GRM5: variants seen among roughly 807,000 people sequenced by gnomAD.
GRM5 encodes the protein glutamate metabotropic receptor 5.
Under a neutral mutation model 83.1 loss-of-function variants are expected in GRM5, and 19 were observed. The observed-to-expected ratio is 0.23, with a 90% CI of 0.16 to 0.34. The LOEUF is 0.34. GRM5 is among the 10% of genes least tolerant of loss of function. The pLI is 1.00. For missense variants in GRM5, 1,160 were observed against 1,588.3 expected, an observed-to-expected ratio of 0.73 and a Z score of 4.58; for synonymous variants, 675 against 633.6, an observed-to-expected ratio of 1.07 and a Z score of -0.98.
intron 2 of GRM5, among the ~76,000 whole-genome samples, chr11:88,966,956 T>G (rs992390226): frequency 2.0e-5 from 3 of 152,082 alleles, no homozygotes; most frequent in Non-Finnish European, 2.9e-5. Context: ...TCCACCATCT[T>G]TCAAAGCTAG....
chr11:88,986,665 T>C (rs964299835), intron 2 of GRM5, among the ~76,000 whole-genome samples: 13 of 151,918 alleles, frequency 8.6e-5, no homozygotes, highest in South Asian at 6.2e-4. Flanking sequence ...TTTTATTTTG[T>C]TGCTTGTTTC....
chr11:89,004,451 C>T (rs1940470046), intron 2 of GRM5, among the ~76,000 whole-genome samples: 1 of 152,114 alleles, frequency 6.6e-6, no homozygotes, highest in African/African-American at 2.4e-5. Context: ...ATACTTGGAT[C>T]AAAGAGCTTT....
chr11:89,012,680 T>G (rs751478354), intron 2 of GRM5, among the ~76,000 whole-genome samples: 1 of 152,182 alleles, frequency 6.6e-6, no homozygotes, highest in Non-Finnish European at 1.5e-5. Context: ...AGACATAGAC[T>G]TAAAGCTCTC....
chr11:89,019,645 C>A lies in GRM5; in HGVS notation c.661+27567G>T, dbSNP rs190348422. ...ACTTGAGCCCCGGAGGTGGAGACTG[C>A]AATGAGCCGAGAATACACTGCCACT... On this transcript the variant is annotated intron_variant, in intron 2 of 9. Transcript: ENST00000305447. Among the ~76,000 whole-genome samples the A allele has an allele frequency of 1.4e-3, 210 of 152,106 alleles. 1 individual carries two copies. Among genetic ancestry groups the A allele is most frequent in the Admixed American group, 0.013 (205 of 15,264 alleles).
intron 2 of GRM5, among the ~76,000 whole-genome samples, chr11:88,972,745 A>G (rs1338213244): frequency 6.6e-6 from 1 of 152,142 alleles, no homozygotes; most frequent in Non-Finnish European, 1.5e-5. Context: ...CCATCAATGC[A>G]TAATGATTAT....
rs1937621661 is a variant in GRM5, at chr11:88,590,595, G to A, written c.1690+6C>T. On this transcript the variant is annotated splice_donor_region_variant and intron_variant, in intron 7 of 9. Coordinates refer to ENST00000305447, the MANE Select transcript of GRM5 (RefSeq NM_001143831.3). ...ATTTATATGTGGTGAGATTGTGATA[G>A]ATTACCTGTGAGATCATCAGTGGGC... 6.2e-7 allele frequency: 1 copy of A among 1,610,586 alleles called. No individual in the cohort carries two copies. The highest frequency in any genetic ancestry group is 1.1e-5 in the South Asian group (1 of 90,924).
chr11:88,996,377 T>G (rs1289812226), intron 2 of GRM5, among the ~76,000 whole-genome samples: 2 of 152,242 alleles, frequency 1.3e-5, no homozygotes, highest in African/African-American at 4.8e-5. Context: ...AATCAAGTTA[T>G]AACAATTCTG....
intron 4 of GRM5, among the ~76,000 whole-genome samples, chr11:88,607,225 G>T (rs1357927424): frequency 6.6e-6 from 1 of 152,122 alleles, no homozygotes; most frequent in Non-Finnish European, 1.5e-5. Flanking sequence ...ACACAGACTG[G>T]ATTCATATTT....
At chr11:88,668,210 T>TTGCACACACACACACACA (rs888565413) in intron 3 of GRM5, among the ~76,000 whole-genome samples, 19 of 49,262 alleles carry the variant, frequency 3.9e-4, no homozygotes, top group African/African-American at 8.3e-4. Context: ...CTGCAGAAAC[T>TTGCACACACACACACACA]CGCACACACA....
intron 2 of GRM5, among the ~76,000 whole-genome samples, chr11:88,912,699 A>T (rs562485993): frequency 1.3e-5 from 2 of 152,326 alleles, no homozygotes; most frequent in African/African-American, 4.8e-5. Flanking sequence ...CAATCTTTCT[A>T]TAGTATCTCT....
intron 3 of GRM5, among the ~76,000 whole-genome samples, chr11:88,775,977 T>A (rs1942839277): frequency 1.3e-5 from 2 of 152,212 alleles, no homozygotes; most frequent in Non-Finnish European, 2.9e-5. Context: ...AGAGCTGAGT[T>A]CAGGTCCTGG....
intron 2 of GRM5, among the ~76,000 whole-genome samples, chr11:89,002,864 C>T (rs1361006158): frequency 6.6e-6 from 1 of 152,054 alleles, no homozygotes; most frequent in Non-Finnish European, 1.5e-5. Context: ...CAGATCATTG[C>T]TCTAAAGTCC....
At chr11:88,615,807 T>C (rs1209814032) in intron 4 of GRM5, among the ~76,000 whole-genome samples, 2 of 152,024 alleles carry the variant, frequency 1.3e-5, no homozygotes, top group Non-Finnish European at 2.9e-5. Flanking sequence ...TATTGGTAAA[T>C]TGGGGAATTT....
chr11:88,883,037 C>A (rs1012625833), intron 2 of GRM5, among the ~76,000 whole-genome samples: 2 of 152,182 alleles, frequency 1.3e-5, no homozygotes, highest in African/African-American at 2.4e-5. Flanking sequence ...CAGCCACATG[C>A]AACTGTGAAT....
chr11:88,750,151 C>A (rs551515467), intron 3 of GRM5, among the ~76,000 whole-genome samples: 1 of 151,906 alleles, frequency 6.6e-6, no homozygotes, highest in Admixed American at 6.6e-5. Flanking sequence ...AAAAGCTGGA[C>A]GAAGAGCCAA....
At chr11:88,674,406 T>G (rs752604814) in intron 3 of GRM5, among the ~76,000 whole-genome samples, 12 of 151,992 alleles carry the variant, frequency 7.9e-5, no homozygotes, top group Non-Finnish European at 1.8e-4. Flanking sequence ...ATCTAATTAC[T>G]TCTACATATC....
chr11:88,746,981 CAT>C (rs936461313), intron 3 of GRM5, among the ~76,000 whole-genome samples: 5 of 152,050 alleles, frequency 3.3e-5, no homozygotes, highest in African/African-American at 4.8e-5. Flanking sequence ...TTAAAAATGT[CAT>C]ATATTATTTT....
intron 2 of GRM5, among the ~76,000 whole-genome samples, chr11:88,951,756 T>C (rs1682542445): frequency 6.6e-6 from 1 of 152,220 alleles, no homozygotes; most frequent in African/African-American, 2.4e-5. Flanking sequence ...TTAAGTACAA[T>C]TGTTGGCACA....
At chr11:88,808,674 T>A (rs1367382554) in intron 3 of GRM5, among the ~76,000 whole-genome samples, 1 of 151,942 alleles carries the variant, frequency 6.6e-6, no homozygotes, top group Non-Finnish European at 1.5e-5. Flanking sequence ...TGTAAAATAT[T>A]ATTGCAAGAA....
Sources: gnomAD v4.1 joint callset for allele counts (sites outside exome capture counted in the v4.1 genomes callset) on GRCh38, gnomAD v4.1.1 for gene constraint, MANE v1.5 for transcripts, NCBI Gene and HGNC (gene_info 2026-07-23, HGNC 2026-07-21) for gene names.